Variants in TAFA4 observed in about 807,000 individuals in gnomAD.
TAFA4 encodes TAFA chemokine like family member 4.
TAFA4 carries 20 observed loss-of-function variants against 21.1 expected under a neutral mutation model. The ratio of observed to expected loss-of-function variants is 0.95; its 90% CI spans 0.67 to 1.38. The LOEUF is 1.38. Among genes scored for constraint, TAFA4 ranks in the 40% most tolerant of loss-of-function variants. The pLI, the probability that TAFA4 is intolerant of heterozygous loss-of-function variation, is 0.00. For missense variants in TAFA4, 211 were observed against 180.9 expected (o/e 1.17, Z -0.95); for synonymous variants, 71 against 67.4 (o/e 1.05, Z -0.26).
chr3:68,809,177 T>C (rs935507010), intron 3 of TAFA4, among the ~76,000 whole-genome samples: 5 of 152,252 alleles, frequency 3.3e-5, no homozygotes, highest in Admixed American at 6.5e-5. Flanking sequence ...GCAAGTTTCA[T>C]GGTTAGCAAC....
At chr3:68,909,558 G>A (rs929764219) in intron 1 of TAFA4, among the ~76,000 whole-genome samples, 3 of 152,230 alleles carry the variant, frequency 2.0e-5, no homozygotes, top group Middle Eastern at 3.4e-3. Context: ...CCCCAATCTG[G>A]AGGAGCCCCA....
chr3:68,736,221 C>T (rs2106722599), intron 5 of TAFA4, among the ~76,000 whole-genome samples: 1 of 151,980 alleles, frequency 6.6e-6, no homozygotes. Flanking sequence ...GTAAAAAACT[C>T]TTTAGCTCAC....
At chr3:68,863,589 A>G (rs2089379144) in intron 3 of TAFA4, among the ~76,000 whole-genome samples, 1 of 152,166 alleles carries the variant, frequency 6.6e-6, no homozygotes, top group Admixed American at 6.5e-5. Flanking sequence ...AGACCAAGAG[A>G]GTAAACAATT....
intron 3 of TAFA4, among the ~76,000 whole-genome samples, chr3:68,856,510 C>T (rs929226602): frequency 6.6e-6 from 1 of 152,042 alleles, no homozygotes; most frequent in Admixed American, 6.6e-5. Context: ...TTCATCTTGG[C>T]CTGTATTTTT....
intron 1 of TAFA4, among the ~76,000 whole-genome samples, chr3:68,921,238 A>G (rs1294400749): frequency 6.6e-6 from 1 of 152,114 alleles, no homozygotes; most frequent in Non-Finnish European, 1.5e-5. Context: ...AGGAGGTTAA[A>G]TGACTCTGAC....
chr3:68,799,036 G>T (rs1703514098), intron 3 of TAFA4, among the ~76,000 whole-genome samples: 1 of 152,114 alleles, frequency 6.6e-6, no homozygotes, highest in African/African-American at 2.4e-5. Context: ...TTACTTTCTA[G>T]GTGACAGGGA....
chr3:68,829,721 T>A (rs1704334688), intron 3 of TAFA4, among the ~76,000 whole-genome samples: 1 of 152,194 alleles, frequency 6.6e-6, no homozygotes, highest in Admixed American at 6.5e-5. Context: ...TTAGGGAGGA[T>A]TCCCTCTTTT....
intron 3 of TAFA4, among the ~76,000 whole-genome samples, chr3:68,798,193 T>C (rs1025768445): frequency 2.0e-5 from 3 of 152,172 alleles, no homozygotes; most frequent in African/African-American, 7.2e-5. Flanking sequence ...CTTGATGCAA[T>C]TGGTAAATGG....
intron 3 of TAFA4, among the ~76,000 whole-genome samples, chr3:68,813,361 C>T (rs1053696949): frequency 1.3e-5 from 2 of 152,076 alleles, no homozygotes; most frequent in Admixed American, 1.3e-4. Flanking sequence ...GAGAACCCTT[C>T]AAAAACTCAA....
intron 3 of TAFA4, among the ~76,000 whole-genome samples, chr3:68,775,216 C>A (rs1703027587): frequency 6.6e-6 from 1 of 152,186 alleles, no homozygotes; most frequent in African/African-American, 2.4e-5. Context: ...TGTACTCACT[C>A]TTTTCCAATT....
chr3:68,922,065 A>T (rs1307135566), intron 1 of TAFA4, among the ~76,000 whole-genome samples: 1 of 152,240 alleles, frequency 6.6e-6, no homozygotes, highest in Non-Finnish European at 1.5e-5. Context: ...TACTATTTAG[A>T]CAAGCTTACC....
At chr3:68,751,126 T>C (rs970413599) in intron 4 of TAFA4, among the ~76,000 whole-genome samples, 5 of 152,102 alleles carry the variant, frequency 3.3e-5, no homozygotes, top group African/African-American at 9.7e-5. Context: ...AAATTAGTAA[T>C]GTGCAGAAAT....
At chr3:68,735,717 G>A (rs1702230215) in intron 5 of TAFA4, among the ~76,000 whole-genome samples, 1 of 151,824 alleles carries the variant, frequency 6.6e-6, no homozygotes, top group African/African-American at 2.4e-5. Context: ...ATGAAATATT[G>A]GAAATATTTA....
intron 3 of TAFA4, among the ~76,000 whole-genome samples, chr3:68,768,498 G>A (rs1341539313): frequency 6.6e-6 from 1 of 152,108 alleles, no homozygotes; most frequent in South Asian, 2.1e-4. Context: ...CTGTCAGTGG[G>A]AATGCAAACT....
At chr3:68,847,295 C>G (rs536144790) in intron 3 of TAFA4, among the ~76,000 whole-genome samples, 27 of 152,206 alleles carry the variant, frequency 1.8e-4, no homozygotes, top group Non-Finnish European at 3.4e-4. Flanking sequence ...GTTTGAACAT[C>G]CAGGCCACTT....
At chr3:68,881,486 T>C (rs2089617899) in intron 2 of TAFA4, among the ~76,000 whole-genome samples, 2 of 151,826 alleles carry the variant, frequency 1.3e-5, no homozygotes, top group Admixed American at 1.3e-4. Context: ...AACAAAAGAG[T>C]AAAAAAAAGG....
At chr3:68,800,691 C>A (rs895941621) in intron 3 of TAFA4, among the ~76,000 whole-genome samples, 2 of 152,190 alleles carry the variant, frequency 1.3e-5, no homozygotes, top group African/African-American at 4.8e-5. Context: ...GGGACTGGCA[C>A]CAGAATGGGG....
At chr3:68,822,126 G>A (rs561677491) in intron 3 of TAFA4, among the ~76,000 whole-genome samples, 1 of 152,176 alleles carries the variant, frequency 6.6e-6, no homozygotes, top group South Asian at 2.1e-4. Context: ...ATTATCCAGT[G>A]AAAACAAATA....
intron 3 of TAFA4, among the ~76,000 whole-genome samples, chr3:68,791,354 G>T (rs1006987600): frequency 6.6e-6 from 1 of 152,094 alleles, no homozygotes; most frequent in Non-Finnish European, 1.5e-5. Context: ...GACAATGGAG[G>T]CCGAGATTGA....
Sources: allele counts gnomAD v4.1 joint callset (sites outside exome capture counted in the v4.1 genomes callset), GRCh38; gene constraint gnomAD v4.1.1; transcripts MANE v1.5; gene names NCBI Gene and HGNC (gene_info 2026-07-23, HGNC 2026-07-21).